Variants in BRINP2 observed in about 807,000 individuals in gnomAD.
BRINP2 encodes the protein BMP/retinoic acid inducible neural specific 2, also known as BMP/retinoic acid-inducible neural-specific protein 2.
A neutral mutation model predicts 69.2 loss-of-function variants in BRINP2; 21 were observed. The ratio of observed to expected loss-of-function variants is 0.30; its 90% CI spans 0.22 to 0.44. The LOEUF (loss-of-function observed/expected upper bound fraction) is 0.44, where lower values mean the gene tolerates loss of function less well. Ranked by LOEUF, BRINP2 falls within the 20% of genes least tolerant of loss-of-function variation. The pLI is 1.00. For synonymous variants in BRINP2, 380 were observed against 394.1 expected, an observed-to-expected ratio of 0.96 and a Z score of 0.42; for missense variants, 877 against 986.0, an observed-to-expected ratio of 0.89 and a Z score of 1.48.
intron 4 of BRINP2, among the ~76,000 whole-genome samples, chr1:177,258,448 T>C (rs1322025989): frequency 6.6e-6 from 1 of 152,254 alleles, no homozygotes; most frequent in Non-Finnish European, 1.5e-5. Flanking sequence ...AGCTGTAAAG[T>C]TCCTGCCCTG....
At chr1:177,212,806 T>C (rs112753853) in intron 1 of BRINP2, among the ~76,000 whole-genome samples, 2,552 of 152,284 alleles carry the variant, frequency 0.017, 69 homozygotes, top group African/African-American at 0.058. Flanking sequence ...TATTATGCTT[T>C]AATTGCCACA....
At chr1:177,207,469 C>G (rs1426547257) in intron 1 of BRINP2, among the ~76,000 whole-genome samples, 1 of 152,140 alleles carries the variant, frequency 6.6e-6, no homozygotes, top group Non-Finnish European at 1.5e-5. Context: ...GTGTGGATAA[C>G]AGAGTCCTGC....
intron 5 of BRINP2, 76 bp downstream of exon 5, chr1:177,273,669 A>G: frequency 1.1e-6 from 1 of 901,442 alleles, no homozygotes; most frequent in South Asian, 2.1e-5. Context: ...AAATAGCGGG[A>G]AAAAATTCTG....
chr1:177,276,169 A>C, intron 5 of BRINP2, 29 bp from the exon 6 acceptor site: 27 of 1,583,600 alleles, frequency 1.7e-5, no homozygotes, highest in South Asian at 2.2e-5. Flanking sequence ...GGTTCTTCCC[A>C]GAGATTCCTT....
intron 4 of BRINP2, among the ~76,000 whole-genome samples, chr1:177,264,501 A>G (rs367827781): frequency 1.3e-5 from 2 of 152,234 alleles, no homozygotes; most frequent in South Asian, 2.1e-4. Flanking sequence ...TCAAATAGGA[A>G]GAGAGGAAGC....
chr1:177,254,507 A>C (rs190973469), intron 2 of BRINP2, among the ~76,000 whole-genome samples: 123 of 152,268 alleles, frequency 8.1e-4, no homozygotes, highest in African/African-American at 2.7e-3. Flanking sequence ...TGTAAGATGA[A>C]ATGGGAAGTG....
chr1:177,230,652 G>A (rs1558168497), intron 2 of BRINP2, among the ~76,000 whole-genome samples: 1 of 152,222 alleles, frequency 6.6e-6, no homozygotes, highest in South Asian at 2.1e-4. Context: ...CCCAGGCTCC[G>A]CAGGCCTTGT....
intron 2 of BRINP2, among the ~76,000 whole-genome samples, chr1:177,238,118 C>T (rs1414837323): frequency 1.3e-5 from 2 of 152,276 alleles, no homozygotes; most frequent in Non-Finnish European, 2.9e-5. Context: ...TGGGGACAGA[C>T]CCTGAAGGAG....
At chr1:177,249,201 T>C (rs1650501892) in intron 2 of BRINP2, among the ~76,000 whole-genome samples, 1 of 152,230 alleles carries the variant, frequency 6.6e-6, no homozygotes, top group South Asian at 2.1e-4. Context: ...ATCCCTTTCC[T>C]GGACATTGTT....
In BRINP2 at chr1:177,171,011, C is replaced by A. The variant is rs1398275074; in HGVS notation, c.-798C>A. Among the ~76,000 whole-genome samples, 1 of 152,250 alleles carries A rather than the reference C, an allele frequency of 6.6e-6. No homozygotes were observed. The highest frequency in any genetic ancestry group is 2.4e-5 in the African/African-American group (1 of 41,480). On this transcript the variant is annotated 5_prime_UTR_variant, in exon 1 of 8. Coordinates refer to ENST00000361539, the MANE Select transcript of BRINP2 (RefSeq NM_021165.4). Reference sequence around the variant, plus strand: ...GGAGCGCGGAGTCGGAGCGGGGACGCGCCGGGCTGCAGCTCTGGGATGCAA... The same window carrying A: ...GGAGCGCGGAGTCGGAGCGGGGACGAGCCGGGCTGCAGCTCTGGGATGCAA...
chr1:177,256,875 T>C lies in BRINP2; in HGVS notation c.461-301T>C, dbSNP rs1323185594. 1.4e-5 allele frequency: 17 copies of C among 1,207,712 alleles called. No individual in the cohort carries two copies. In the African/African-American group the frequency reaches 2.0e-4, roughly 14 times the overall value. 74.8% of individuals were successfully genotyped at this position (1,207,712 alleles called of 1,614,324 possible). On this transcript the variant is annotated intron_variant, in intron 3 of 7. Transcript: ENST00000361539. ...CTCGTAAACAACTTGAGAGAGAGAA[T>C]TGTGTCTCCCCTATGAAGATGGATT... is the stretch of plus-strand genomic sequence containing the variant.
At chr1:177,197,567 G>T (rs1395033345) in intron 1 of BRINP2, among the ~76,000 whole-genome samples, 1 of 152,196 alleles carries the variant, frequency 6.6e-6, no homozygotes, top group African/African-American at 2.4e-5. Context: ...CAGGAAGGGA[G>T]ACTTTGCCAG....
chr1:177,224,813 G>A (rs1649647678), intron 1 of BRINP2, among the ~76,000 whole-genome samples: 1 of 151,984 alleles, frequency 6.6e-6, no homozygotes, highest in South Asian at 2.1e-4. Context: ...GACTTATATT[G>A]GTATTTATTA....
intron 4 of BRINP2, among the ~76,000 whole-genome samples, chr1:177,270,136 A>G (rs1015600040): frequency 1.3e-5 from 2 of 151,938 alleles, no homozygotes; most frequent in African/African-American, 4.8e-5. Flanking sequence ...CTCAGGCAAT[A>G]ACTGCAATGG....
intron 4 of BRINP2, among the ~76,000 whole-genome samples, chr1:177,269,597 A>C (rs1460260161): frequency 6.6e-6 from 1 of 152,172 alleles, no homozygotes; most frequent in African/African-American, 2.4e-5. Flanking sequence ...CCTGGGATTC[A>C]ATTTGCAGCT....
chr1:177,210,535 G>T (rs1558160647), intron 1 of BRINP2, among the ~76,000 whole-genome samples: 1 of 152,108 alleles, frequency 6.6e-6, no homozygotes, highest in South Asian at 2.1e-4. Context: ...ATGAAATATA[G>T]ACCTGTCCAG....
intron 1 of BRINP2, 100 bp from the exon 2 acceptor site, chr1:177,229,700 TA>T: frequency 1.3e-6 from 1 of 792,992 alleles, no homozygotes; most frequent in Non-Finnish European, 1.9e-6. Context: ...GTTACTAGCA[TA>T]AAGGATTTCC....
chr1:177,260,359 C>T (rs1650905148), intron 4 of BRINP2, among the ~76,000 whole-genome samples: 1 of 151,942 alleles, frequency 6.6e-6, no homozygotes, highest in Non-Finnish European at 1.5e-5. Flanking sequence ...GGAATCTACT[C>T]CTGGTGATGA....
intron 1 of BRINP2, among the ~76,000 whole-genome samples, chr1:177,197,498 T>TA (rs1459152929): frequency 6.6e-6 from 1 of 151,812 alleles, no homozygotes; most frequent in African/African-American, 2.4e-5. Flanking sequence ...TGTGACTTTA[T>TA]AAAAAAAGAG....
Sources: gnomAD v4.1 joint callset for allele counts (sites outside exome capture counted in the v4.1 genomes callset) on GRCh38, gnomAD v4.1.1 for gene constraint, MANE v1.5 for transcripts, NCBI Gene and HGNC (gene_info 2026-07-23, HGNC 2026-07-21) for gene names.